The following SLC8A1 variants were observed in gnomAD, a reference collection of about 807,000 sequenced individuals.
SLC8A1 encodes solute carrier family 8 member A1.
SLC8A1 carries 18 observed loss-of-function variants against 68.3 expected under a neutral mutation model. The observed-to-expected ratio is 0.26, with a 90% CI of 0.18 to 0.39. The LOEUF (loss-of-function observed/expected upper bound fraction) is 0.39, where lower values mean the gene tolerates loss of function less well. Ranked by LOEUF, SLC8A1 falls within the 10% of genes least tolerant of loss-of-function variation. SLC8A1 has a pLI of 1.00. For synonymous variants in SLC8A1, 475 were observed against 415.5 expected (o/e 1.14, Z -1.74); for missense variants, 985 against 1,156.7 (o/e 0.85, Z 2.15).
chr2:40,350,150 G>C (rs79503852), intron 2 of SLC8A1, among the ~76,000 whole-genome samples: 1 of 152,034 alleles, frequency 6.6e-6, no homozygotes, highest in Admixed American at 6.6e-5. Flanking sequence ...AAATCCATTT[G>C]ATCTAAACAA....
At chr2:40,401,551 G>C (rs1276977884) in intron 2 of SLC8A1, among the ~76,000 whole-genome samples, 1 of 82,086 alleles carries the variant, frequency 1.2e-5, no homozygotes, top group Non-Finnish European at 2.2e-5. Context: ...AACTAGTTTT[G>C]AATTAATAGG....
chr2:40,473,975 T>C (rs1293413725), intron 1 of SLC8A1, among the ~76,000 whole-genome samples: 2 of 152,186 alleles, frequency 1.3e-5, no homozygotes, highest in African/African-American at 2.4e-5. Flanking sequence ...TTGCCAAAAA[T>C]GTAACTTCCA....
At chr2:40,216,888 C>G (rs1384523047) in intron 2 of SLC8A1, among the ~76,000 whole-genome samples, 1 of 152,068 alleles carries the variant, frequency 6.6e-6, no homozygotes, top group Non-Finnish European at 1.5e-5. Flanking sequence ...TTTGTAGATT[C>G]TGGATATTAG....
chr2:40,258,402 T>C (rs981129216), intron 2 of SLC8A1, among the ~76,000 whole-genome samples: 5 of 152,144 alleles, frequency 3.3e-5, no homozygotes, highest in Admixed American at 1.3e-4. Flanking sequence ...CGTATTTCCT[T>C]CTCAGATTGG....
intron 2 of SLC8A1, among the ~76,000 whole-genome samples, chr2:40,319,652 C>A (rs1218296692): frequency 6.6e-6 from 1 of 152,108 alleles, no homozygotes; most frequent in East Asian, 1.9e-4. Flanking sequence ...AAAGCTCCTC[C>A]TTATGTTAGG....
intron 2 of SLC8A1, among the ~76,000 whole-genome samples, chr2:40,223,244 T>G (rs1406731640): frequency 1.3e-5 from 2 of 152,166 alleles, no homozygotes; most frequent in Non-Finnish European, 1.5e-5. Flanking sequence ...GAAACCACCA[T>G]TCTCAGCAAA....
chr2:40,414,844 T>G (rs915619091), intron 2 of SLC8A1, among the ~76,000 whole-genome samples: 3 of 152,150 alleles, frequency 2.0e-5, no homozygotes, highest in African/African-American at 7.2e-5. Context: ...CAAAATCACC[T>G]TGAAAAAAAT....
intron 2 of SLC8A1, among the ~76,000 whole-genome samples, chr2:40,238,753 T>C (rs1038096885): frequency 6.6e-6 from 1 of 152,118 alleles, no homozygotes; most frequent in Non-Finnish European, 1.5e-5. Flanking sequence ...ATAAATTAAC[T>C]CAAGTATTGT....
chr2:40,272,871 T>C (rs2066220195), intron 2 of SLC8A1, among the ~76,000 whole-genome samples: 2 of 152,228 alleles, frequency 1.3e-5, no homozygotes, highest in African/African-American at 4.8e-5. Flanking sequence ...ACACATGGCC[T>C]GTGTACATGA....
At chr2:40,180,248 A>G (rs2049239580) in intron 2 of SLC8A1, among the ~76,000 whole-genome samples, 1 of 152,226 alleles carries the variant, frequency 6.6e-6, no homozygotes, top group African/African-American at 2.4e-5. Flanking sequence ...ATAAAAAATT[A>G]TTCTGCTGTG....
intron 2 of SLC8A1, among the ~76,000 whole-genome samples, chr2:40,224,479 T>A (rs572776915): frequency 6.6e-6 from 1 of 152,192 alleles, no homozygotes; most frequent in African/African-American, 2.4e-5. Context: ...TAAGAATGAT[T>A]TAATGTGTTC....
chr2:40,308,732 G>T (rs1045939546), intron 2 of SLC8A1, among the ~76,000 whole-genome samples: 33 of 152,176 alleles, frequency 2.2e-4, no homozygotes, highest in African/African-American at 7.7e-4. Flanking sequence ...TCCTATGGGG[G>T]AAAGGGAGTC....
chr2:40,128,752 A>T (rs1024977132), intron 7 of SLC8A1, among the ~76,000 whole-genome samples: 2 of 152,244 alleles, frequency 1.3e-5, no homozygotes, highest in African/African-American at 2.4e-5. Flanking sequence ...ATATATACAC[A>T]AAACAATGAA....
chr2:40,468,324 A>G (rs1297292764), intron 1 of SLC8A1, among the ~76,000 whole-genome samples: 1 of 152,262 alleles, frequency 6.6e-6, no homozygotes, highest in East Asian at 1.9e-4. Flanking sequence ...TATATTCTAC[A>G]TATTACTATT....
intron 2 of SLC8A1, among the ~76,000 whole-genome samples, chr2:40,348,975 C>G (rs541016684): frequency 6.6e-6 from 1 of 152,068 alleles, no homozygotes; most frequent in Non-Finnish European, 1.5e-5. Flanking sequence ...TTTCGTGGTG[C>G]CATGGGCTTT....
At chr2:40,365,225 A>G (rs1028986579) in intron 2 of SLC8A1, among the ~76,000 whole-genome samples, 1 of 152,100 alleles carries the variant, frequency 6.6e-6, no homozygotes, top group Non-Finnish European at 1.5e-5. Flanking sequence ...AACCAAAAAA[A>G]AAAATGAAAG....
chr2:40,283,988 T>C (rs1425495323), intron 2 of SLC8A1, among the ~76,000 whole-genome samples: 2 of 152,152 alleles, frequency 1.3e-5, no homozygotes, highest in African/African-American at 4.8e-5. Flanking sequence ...ATTGTTAATG[T>C]AGTTCTAGTG....
chr2:40,415,108 A>T (rs908522374), intron 2 of SLC8A1, among the ~76,000 whole-genome samples: 2 of 152,210 alleles, frequency 1.3e-5, no homozygotes, highest in Non-Finnish European at 2.9e-5. Context: ...CCTATAAGGC[A>T]CAGTATAGTA....
At chr2:40,365,483 A>T (rs1460831605) in intron 2 of SLC8A1, among the ~76,000 whole-genome samples, 1 of 152,048 alleles carries the variant, frequency 6.6e-6, no homozygotes, top group East Asian at 1.9e-4. Flanking sequence ...TTCACCTAAC[A>T]ATCTATACCT....
Sources: allele counts gnomAD v4.1 joint callset (sites outside exome capture counted in the v4.1 genomes callset), GRCh38; gene constraint gnomAD v4.1.1; transcripts MANE v1.5; gene names NCBI Gene and HGNC (gene_info 2026-07-23, HGNC 2026-07-21).